LRRTM4: variants seen among roughly 807,000 people sequenced by gnomAD.
LRRTM4 encodes leucine rich repeat transmembrane neuronal 4.
In LRRTM4, 25 loss-of-function variants were observed where a neutral mutation model predicts 47.6. That is an observed-to-expected ratio of 0.53 (90% CI 0.38 to 0.73). The LOEUF (loss-of-function observed/expected upper bound fraction) is 0.73, where lower values mean the gene tolerates loss of function less well. Ranked by LOEUF, LRRTM4 falls within the 30% of genes least tolerant of loss-of-function variation. The pLI, the probability that LRRTM4 is intolerant of heterozygous loss-of-function variation, is 0.00. For missense variants in LRRTM4, 638 were observed against 713.4 expected (o/e 0.89, Z 1.20); for synonymous variants, 311 against 269.5 (o/e 1.15, Z -1.51).
intron 3 of LRRTM4, among the ~76,000 whole-genome samples, chr2:77,320,227 T>C (rs546391687): frequency 6.6e-6 from 1 of 152,152 alleles, no homozygotes; most frequent in East Asian, 1.9e-4. Context: ...CACACAGACA[T>C]GAGGGTACTT....
chr2:76,785,164 G>GTGTT (rs968546597), intron 3 of LRRTM4, among the ~76,000 whole-genome samples: 3 of 152,054 alleles, frequency 2.0e-5, no homozygotes, highest in East Asian at 1.9e-4. Flanking sequence ...TGCTGCTATT[G>GTGTT]TGTTTGTATT....
At chr2:77,312,925 C>T (rs551377870) in intron 3 of LRRTM4, among the ~76,000 whole-genome samples, 2 of 152,198 alleles carry the variant, frequency 1.3e-5, no homozygotes, top group East Asian at 1.9e-4. Flanking sequence ...GTTCTGGGAA[C>T]AGAGGGAAAA....
chr2:76,992,315 G>A (rs542140372), intron 3 of LRRTM4, among the ~76,000 whole-genome samples: 2 of 151,688 alleles, frequency 1.3e-5, no homozygotes, highest in Admixed American at 6.6e-5. Context: ...GAAATGAAAG[G>A]CATCCAAATA....
chr2:77,511,510 T>C (rs1033886581), intron 3 of LRRTM4, among the ~76,000 whole-genome samples: 2 of 151,850 alleles, frequency 1.3e-5, no homozygotes, highest in Non-Finnish European at 2.9e-5. Context: ...CTTATTGAGT[T>C]ATATATTTGC....
At chr2:77,350,673 A>T (rs1247082322) in intron 3 of LRRTM4, among the ~76,000 whole-genome samples, 1 of 152,170 alleles carries the variant, frequency 6.6e-6, no homozygotes, top group Non-Finnish European at 1.5e-5. Flanking sequence ...ATCCTTTATA[A>T]TATCTACAAA....
intron 3 of LRRTM4, among the ~76,000 whole-genome samples, chr2:77,323,552 G>A (rs564281686): frequency 2.6e-5 from 4 of 152,218 alleles, no homozygotes; most frequent in Admixed American, 2.6e-4. Flanking sequence ...CAATGGCATT[G>A]ATAGCAGTTA....
At chr2:77,258,152 C>T (rs189308932) in intron 3 of LRRTM4, among the ~76,000 whole-genome samples, 2,192 of 151,570 alleles carry the variant, frequency 0.014, 27 homozygotes, top group Middle Eastern at 0.027. Flanking sequence ...GAAACACCAC[C>T]ACACATCTAG....
intron 3 of LRRTM4, among the ~76,000 whole-genome samples, chr2:76,814,557 A>C (rs1018484712): frequency 2.0e-5 from 3 of 152,158 alleles, no homozygotes; most frequent in Non-Finnish European, 2.9e-5. Flanking sequence ...AGAGCAAAAG[A>C]TACAATATGA....
At chr2:77,159,645 G>A (rs1327110230) in intron 3 of LRRTM4, among the ~76,000 whole-genome samples, 1 of 152,004 alleles carries the variant, frequency 6.6e-6, no homozygotes, top group African/African-American at 2.4e-5. Context: ...TGAGTAGGCT[G>A]AGGAGGAGGA....
intron 3 of LRRTM4, among the ~76,000 whole-genome samples, chr2:77,192,734 T>C (rs1673705341): frequency 6.6e-6 from 1 of 152,200 alleles, no homozygotes; most frequent in African/African-American, 2.4e-5. Context: ...TGGATGGCAT[T>C]AGTATTGTGT....
At chr2:77,250,135 GA>G (rs1215160544) in intron 3 of LRRTM4, among the ~76,000 whole-genome samples, 3 of 151,872 alleles carry the variant, frequency 2.0e-5, no homozygotes, top group East Asian at 1.9e-4. Context: ...TGGAGATAGT[GA>G]AAAAAAATCA....
intron 3 of LRRTM4, among the ~76,000 whole-genome samples, chr2:77,500,125 T>C (rs1678517128): frequency 6.6e-6 from 1 of 151,778 alleles, no homozygotes; most frequent in Admixed American, 6.6e-5. Context: ...AGAGTCTTCC[T>C]ATCAGTTGTA....
At chr2:76,863,973 A>G (rs947965577) in intron 3 of LRRTM4, among the ~76,000 whole-genome samples, 1 of 152,214 alleles carries the variant, frequency 6.6e-6, no homozygotes, top group Non-Finnish European at 1.5e-5. Flanking sequence ...AAAAAGATTC[A>G]GACTATAAGT....
intron 3 of LRRTM4, among the ~76,000 whole-genome samples, chr2:76,850,368 T>C (rs1671957854): frequency 6.6e-6 from 1 of 152,184 alleles, no homozygotes; most frequent in African/African-American, 2.4e-5. Flanking sequence ...TATCAGAACC[T>C]GGGAGTGTGG....
intron 3 of LRRTM4, among the ~76,000 whole-genome samples, chr2:76,865,096 G>A (rs559397572): frequency 6.6e-6 from 1 of 152,098 alleles, no homozygotes; most frequent in Non-Finnish European, 1.5e-5. Context: ...TGTCTGGGTT[G>A]GTTGTCTGAT....
At chr2:76,946,349 T>C (rs1434246258) in intron 3 of LRRTM4, among the ~76,000 whole-genome samples, 1 of 151,924 alleles carries the variant, frequency 6.6e-6, no homozygotes, top group Non-Finnish European at 1.5e-5. Flanking sequence ...TATTCTGCCA[T>C]TTTGCTGACA....
intron 3 of LRRTM4, among the ~76,000 whole-genome samples, chr2:77,312,236 G>C (rs417691): frequency 0.15 from 22,346 of 151,842 alleles, 3,243 homozygotes; most frequent in African/African-American, 0.38. Flanking sequence ...AGTATTAATT[G>C]GGTGTCACTT....
intron 3 of LRRTM4, among the ~76,000 whole-genome samples, chr2:77,489,705 T>C (rs1342339561): frequency 6.6e-6 from 1 of 152,188 alleles, no homozygotes; most frequent in African/African-American, 2.4e-5. Flanking sequence ...GACAGACCAA[T>C]GTGACAAAAC....
chr2:77,010,501 TACACACACACACACACACACACAC>T (rs34456976), intron 3 of LRRTM4, among the ~76,000 whole-genome samples: 1 of 139,836 alleles, frequency 7.2e-6, no homozygotes, highest in Admixed American at 7.3e-5. Context: ...TTGTATTGTT[TACACACACACACACACACACACAC>T]ACACACACAC....
Sources: gnomAD v4.1 joint callset for allele counts (sites outside exome capture counted in the v4.1 genomes callset) on GRCh38, gnomAD v4.1.1 for gene constraint, MANE v1.5 for transcripts, NCBI Gene and HGNC (gene_info 2026-07-23, HGNC 2026-07-21) for gene names.